Variants in DNAH12 observed in about 807,000 individuals in gnomAD.
DNAH12 encodes the protein dynein axonemal heavy chain 12.
In DNAH12, 285 loss-of-function variants were observed where a neutral mutation model predicts 371.5. The observed-to-expected ratio is 0.77, with a 90% CI of 0.70 to 0.85. DNAH12 has a LOEUF of 0.85. DNAH12 is among the 40% of genes least tolerant of loss of function. The pLI is 0.00. For synonymous variants in DNAH12, 1,200 were observed against 1,213.0 expected (o/e 0.99, Z 0.22); for missense variants, 3,611 against 3,689.4 (o/e 0.98, Z 0.55).
intron 25 of DNAH12, among the ~76,000 whole-genome samples, chr3:57,450,737 A>G (rs2153372890): frequency 6.6e-6 from 1 of 152,346 alleles, no homozygotes; most frequent in South Asian, 2.1e-4. Context: ...CAAGACAGAC[A>G]TAGTTCTTGC....
upstream of DNAH12, among the ~76,000 whole-genome samples, chr3:57,545,931 C>T (rs536166713): frequency 1.1e-3 from 168 of 152,258 alleles, no homozygotes; most frequent in African/African-American, 3.4e-3. Flanking sequence ...GGTATGGGCA[C>T]AGTGGGCTCC....
chr3:57,502,243 C>T (rs902417121), intron 10 of DNAH12, 80 bp downstream of exon 10: 8 of 1,558,404 alleles, frequency 5.1e-6, no homozygotes, highest in Non-Finnish European at 7.0e-6. Context: ...ATGGCAGCCC[C>T]AGACAAACAA....
chr3:57,464,994 C>A (rs1168961482), intron 17 of DNAH12, among the ~76,000 whole-genome samples: 4 of 152,212 alleles, frequency 2.6e-5, no homozygotes, highest in Admixed American at 6.5e-5. Flanking sequence ...TGGCACAGGA[C>A]TTGCTTCAGC....
At chr3:57,336,268 A>G (rs545387714) in intron 60 of DNAH12, among the ~76,000 whole-genome samples, 4 of 152,354 alleles carry the variant, frequency 2.6e-5, no homozygotes, top group African/African-American at 7.2e-5. Context: ...CACAGCATCC[A>G]TAACCAGGAA....
intron 65 of DNAH12, among the ~76,000 whole-genome samples, chr3:57,319,138 G>T (rs963055455): frequency 2.0e-5 from 3 of 152,032 alleles, no homozygotes; most frequent in African/African-American, 7.2e-5. Flanking sequence ...TATTATAAAT[G>T]GGATTGTTTT....
intron 55 of DNAH12, among the ~76,000 whole-genome samples, chr3:57,369,766 TTTA>T (rs1242233632): frequency 6.6e-6 from 1 of 152,190 alleles, no homozygotes; most frequent in Non-Finnish European, 1.5e-5. Flanking sequence ...CTTTCATGTC[TTTA>T]TTATTGGAAA....
At chr3:57,445,671 T>C (rs1475927547) in intron 27 of DNAH12, among the ~76,000 whole-genome samples, 1 of 146,420 alleles carries the variant, frequency 6.8e-6, no homozygotes, top group African/African-American at 2.4e-5. Flanking sequence ...TTATGCTGGG[T>C]TTTTTTAATT....
chr3:57,321,992 A>G (rs1231562554), intron 65 of DNAH12, among the ~76,000 whole-genome samples: 1 of 152,210 alleles, frequency 6.6e-6, no homozygotes, highest in Non-Finnish European at 1.5e-5. Context: ...TATCTACACT[A>G]CCTAGGAGAG....
Position 57,508,492 on chromosome 3 carries a change from T to G in DNAH12, c.591A>C (p.Arg197Ser). 6.2e-7 allele frequency: 1 copy of G among 1,613,240 alleles called. No homozygotes were observed. The highest frequency in any genetic ancestry group is 8.5e-7 in the Non-Finnish European group (1 of 1,179,846). The change falls in exon 7 of 74, where the codon AGA (arginine) becomes AGC (serine). Residue 197 changes from arginine (R) to serine (S), a missense_variant. By Grantham distance (110) the Arg-to-Ser change is moderately radical. Transcript: ENST00000495027. The part of the protein sequence containing the change: ...NPWHSSYVQA[R>S]NQIFSNLHII... ...TGTGCAAATTAGAGAATATTTGATT[T>G]CTTGCCTGCACATAGCTAGAATGCC...
intron 29 of DNAH12, 102 bp downstream of exon 29, chr3:57,444,595 C>T: frequency 6.7e-7 from 1 of 1,488,216 alleles, no homozygotes; most frequent in African/African-American, 1.4e-5. Context: ...GGGGATTTTC[C>T]TCAAAACAGA....
In DNAH12 at chr3:57,542,880, C is replaced by T. The variant is rs1190415503; in HGVS notation, c.-10G>A. 29 of 1,573,240 alleles carry T rather than the reference C, an allele frequency of 1.8e-5. No homozygotes were observed. Among genetic ancestry groups the T allele is most frequent in the Non-Finnish European group, 2.5e-5 (29 of 1,165,482 alleles). On this transcript the variant is annotated 5_prime_UTR_variant, in exon 2 of 74. Transcript: ENST00000495027. ...TGTTTGCATCTGACATCTTGATCCC[C>T]TAAAGATTAAAATACTCTGTACTCT...
the DNAH12 span, among the ~76,000 whole-genome samples, chr3:57,553,794 G>A: frequency 7.3e-5 from 11 of 151,680 alleles, no homozygotes; most frequent in Non-Finnish European, 1.6e-4. Flanking sequence ...AATTGATGTA[G>A]GCAAAATGTC....
chr3:57,304,875 CCTTCT>C (rs1559537647), intron 69 of DNAH12, among the ~76,000 whole-genome samples: 1 of 152,090 alleles, frequency 6.6e-6, no homozygotes. Context: ...ACCCCCCACC[CCTTCT>C]CTTCGTGTCT....
At chr3:57,486,914 G>A (rs576590423) in intron 12 of DNAH12, among the ~76,000 whole-genome samples, 2 of 150,078 alleles carry the variant, frequency 1.3e-5, no homozygotes, top group Admixed American at 1.3e-4. Context: ...TTATACAGAG[G>A]GGCCAGAGAA....
intron 4 of DNAH12, among the ~76,000 whole-genome samples, chr3:57,514,484 T>C (rs1190515282): frequency 1.3e-5 from 2 of 151,952 alleles, no homozygotes; most frequent in Middle Eastern, 3.2e-3. Context: ...AAAACATACC[T>C]GTTCATTTTT....
Position 57,347,318 on chromosome 3 carries a change from T to C in DNAH12, c.9674+4767A>G, listed in dbSNP as rs115371750. Among the ~76,000 whole-genome samples, 1,414 of 152,336 alleles carry C rather than the reference T, an allele frequency of 9.3e-3. 10 individuals are homozygous for C. Among genetic ancestry groups the C allele is most frequent in the Non-Finnish European group, 0.013 (884 of 68,020 alleles). On this transcript the variant is annotated intron_variant, in intron 60 of 73. Transcript: ENST00000495027. ...CACCACGACTAAGTGGGATTTATTATAGGTATGAAAGGCTGATTCAACATT... is the reference window on the plus strand; with the variant it reads ...CACCACGACTAAGTGGGATTTATTACAGGTATGAAAGGCTGATTCAACATT...
upstream of DNAH12, among the ~76,000 whole-genome samples, chr3:57,545,951 C>T (rs1271451648): frequency 6.6e-6 from 1 of 152,170 alleles, no homozygotes; most frequent in Non-Finnish European, 1.5e-5. Context: ...CAGTAGGTTC[C>T]AGTGGGCACT....
chr3:57,334,540 T>C lies in DNAH12; in HGVS notation c.9903A>G (p.Lys3301=). The C allele has an allele frequency of 6.4e-7, 1 of 1,551,106 alleles. No homozygotes were observed. Among genetic ancestry groups the C allele is most frequent in the East Asian group, 2.4e-5 (1 of 40,854 alleles). The change falls in exon 62 of 74, where the codon AAA becomes AAG. Residue 3301 remains lysine, a synonymous_variant. Coordinates refer to ENST00000495027, the MANE Select transcript of DNAH12 (RefSeq NM_001366028.2). ...GGTTCTTATCCATTGGTGCTGGAAATTTAGCATTATGTGGCTCTTTACTGT... is the reference window on the plus strand; with the variant it reads ...GGTTCTTATCCATTGGTGCTGGAAACTTAGCATTATGTGGCTCTTTACTGT... ...IYDSKEPHNA[K]FPAPMDKNLN...
chr3:57,531,198 G>A (rs571642603), intron 2 of DNAH12, among the ~76,000 whole-genome samples: 14 of 152,190 alleles, frequency 9.2e-5, no homozygotes, highest in South Asian at 4.2e-4. Context: ...ATTTCTTGTA[G>A]GACAGGTCTG....
Sources: gnomAD v4.1 joint callset for allele counts (sites outside exome capture counted in the v4.1 genomes callset) on GRCh38, gnomAD v4.1.1 for gene constraint, MANE v1.5 for transcripts, NCBI Gene and HGNC (gene_info 2026-07-23, HGNC 2026-07-21) for gene names.